TMEM132D: variants seen among roughly 807,000 people sequenced by gnomAD.
TMEM132D encodes transmembrane protein 132D.
Under a neutral mutation model 62.3 loss-of-function variants are expected in TMEM132D, and 21 were observed. That is an observed-to-expected ratio of 0.34 (90% CI 0.24 to 0.49). The LOEUF (loss-of-function observed/expected upper bound fraction) is 0.49. TMEM132D is among the 20% of genes least tolerant of loss of function. The probability of loss-of-function intolerance (pLI) is 0.99; values close to 1 mark genes in which losing one functional copy is unlikely to be tolerated. For synonymous variants in TMEM132D, 621 were observed against 575.6 expected (o/e 1.08, Z -1.13); for missense variants, 1,346 against 1,402.8 (o/e 0.96, Z 0.65).
intron 3 of TMEM132D, among the ~76,000 whole-genome samples, chr12:129,450,086 T>C (rs1158513843): frequency 6.6e-6 from 1 of 152,182 alleles, no homozygotes; most frequent in Non-Finnish European, 1.5e-5. Flanking sequence ...AAATTTAAGT[T>C]CCTTATAGAT....
intron 2 of TMEM132D, among the ~76,000 whole-genome samples, chr12:129,571,846 T>A (rs1311980244): frequency 6.7e-6 from 1 of 149,644 alleles, no homozygotes; most frequent in Non-Finnish European, 1.5e-5. Flanking sequence ...CCATTGTGAA[T>A]AAGGAAAAGT....
chr12:129,617,575 A>G (rs533662825), intron 2 of TMEM132D, among the ~76,000 whole-genome samples: 2 of 151,932 alleles, frequency 1.3e-5, no homozygotes, highest in Admixed American at 1.3e-4. Flanking sequence ...CTTCTTTTTC[A>G]TTGAAAGGAG....
At chr12:129,473,155 G>T (rs948613848) in intron 3 of TMEM132D, among the ~76,000 whole-genome samples, 2 of 151,416 alleles carry the variant, frequency 1.3e-5, no homozygotes, top group Admixed American at 6.6e-5. Flanking sequence ...GAGCCACTGC[G>T]CCCAGCCAAG....
chr12:129,261,332 C>T (rs1337818997), intron 4 of TMEM132D, among the ~76,000 whole-genome samples: 1 of 152,146 alleles, frequency 6.6e-6, no homozygotes, highest in African/African-American at 2.4e-5. Flanking sequence ...GTGGGTTTCC[C>T]TGTGCTGTTC....
At chr12:129,640,903 G>A (rs950662979) in intron 2 of TMEM132D, among the ~76,000 whole-genome samples, 1 of 152,116 alleles carries the variant, frequency 6.6e-6, no homozygotes, top group Non-Finnish European at 1.5e-5. Context: ...AACTGTGCAT[G>A]CGAGGGATCT....
intron 1 of TMEM132D, among the ~76,000 whole-genome samples, chr12:129,863,618 C>G (rs1290909265): frequency 6.6e-6 from 1 of 152,086 alleles, no homozygotes; most frequent in Non-Finnish European, 1.5e-5. Context: ...AGCTTGTGTC[C>G]TAAGGGCTGA....
rs549645509 is a variant in TMEM132D, at chr12:129,214,726, T to C, written c.1300-5063A>G. ...AAAAAAGCTCAACATCATTGATCAC[T>C]AGAGAAATGCAAATCAAAACCACAA... On this transcript the variant is annotated intron_variant, in intron 4 of 8. Coordinates refer to ENST00000422113, the MANE Select transcript of TMEM132D (RefSeq NM_133448.3). 1.5e-4 allele frequency among the ~76,000 whole-genome samples: 23 copies of C among 152,238 alleles called. No homozygotes were observed. In the East Asian group the frequency reaches 4.2e-3, roughly 28 times the overall value.
At chr12:129,299,488 C>T (rs1881657309) in intron 4 of TMEM132D, among the ~76,000 whole-genome samples, 1 of 140,420 alleles carries the variant, frequency 7.1e-6, no homozygotes, top group South Asian at 2.2e-4. Flanking sequence ...TTGATTTTCT[C>T]CAAAGCACAT....
At chr12:129,586,966 C>T (rs1213412739) in intron 2 of TMEM132D, among the ~76,000 whole-genome samples, 1 of 152,092 alleles carries the variant, frequency 6.6e-6, no homozygotes. Context: ...ATACATTAAT[C>T]CCTCACAACA....
chr12:129,476,812 C>T (rs563889529), intron 3 of TMEM132D, among the ~76,000 whole-genome samples: 4 of 152,208 alleles, frequency 2.6e-5, no homozygotes, highest in Non-Finnish European at 1.5e-5. Context: ...AAAGCTTAAT[C>T]TCGCTTCAAT....
chr12:129,350,392 T>C (rs2135667578), intron 3 of TMEM132D, among the ~76,000 whole-genome samples: 1 of 152,312 alleles, frequency 6.6e-6, no homozygotes, highest in Admixed American at 6.5e-5. Flanking sequence ...GTTAAACTTC[T>C]GGGAATAAAT....
chr12:129,673,195 C>A (rs1031523415), intron 2 of TMEM132D, among the ~76,000 whole-genome samples: 2 of 149,644 alleles, frequency 1.3e-5, no homozygotes, highest in African/African-American at 4.8e-5. Context: ...AACCATGAAT[C>A]GCTTCTCCAT....
chr12:129,567,227 G>A (rs1293807402), intron 2 of TMEM132D, among the ~76,000 whole-genome samples: 1 of 152,140 alleles, frequency 6.6e-6, no homozygotes, highest in Non-Finnish European at 1.5e-5. Context: ...GTGATTTTTT[G>A]ATATTGTAAA....
intron 3 of TMEM132D, among the ~76,000 whole-genome samples, chr12:129,404,200 A>ATT (rs1440339238): frequency 6.6e-6 from 1 of 151,758 alleles, no homozygotes; most frequent in Non-Finnish European, 1.5e-5. Context: ...TTATTTAGTT[A>ATT]TTTATTTATT....
chr12:129,593,355 C>T (rs1342320555), intron 2 of TMEM132D, among the ~76,000 whole-genome samples: 1 of 152,132 alleles, frequency 6.6e-6, no homozygotes, highest in Non-Finnish European at 1.5e-5. Flanking sequence ...TGATGTGATT[C>T]CAGATATTTT....
chr12:129,365,380 C>T (rs1870372324), intron 3 of TMEM132D, among the ~76,000 whole-genome samples: 1 of 152,090 alleles, frequency 6.6e-6, no homozygotes, highest in African/African-American at 2.4e-5. Context: ...TAAGATTAGG[C>T]ACCAAAAACC....
intron 1 of TMEM132D, among the ~76,000 whole-genome samples, chr12:129,860,553 G>T (rs543057388): frequency 1.3e-5 from 2 of 152,260 alleles, no homozygotes; most frequent in South Asian, 4.2e-4. Context: ...GTATATGTAT[G>T]CATAAATATA....
intron 1 of TMEM132D, among the ~76,000 whole-genome samples, chr12:129,701,055 G>A (rs1881374613): frequency 6.6e-6 from 1 of 152,286 alleles, no homozygotes; most frequent in Middle Eastern, 3.4e-3. Flanking sequence ...GCAAGTGTTA[G>A]AAAGCTGTCA....
chr12:129,352,111 G>C (rs1237515484), intron 3 of TMEM132D, among the ~76,000 whole-genome samples: 1 of 152,156 alleles, frequency 6.6e-6, no homozygotes, highest in East Asian at 1.9e-4. Flanking sequence ...TTGCTGGGCT[G>C]CGTTCCCAGG....
Sources: gnomAD v4.1 joint callset for allele counts (sites outside exome capture counted in the v4.1 genomes callset) on GRCh38, gnomAD v4.1.1 for gene constraint, MANE v1.5 for transcripts, NCBI Gene and HGNC (gene_info 2026-07-23, HGNC 2026-07-21) for gene names.